Variants in NR5A2 observed in about 807,000 individuals in gnomAD.
NR5A2 encodes the protein CYP7A promoter-binding factor.
In NR5A2, 26 loss-of-function variants were observed where a neutral mutation model predicts 62.7. The ratio of observed to expected loss-of-function variants is 0.41; its 90% CI spans 0.30 to 0.58. The LOEUF (loss-of-function observed/expected upper bound fraction) is 0.58. Among genes scored for constraint, NR5A2 ranks in the 20% least tolerant of loss-of-function variants. The pLI is 0.22. For missense variants in NR5A2, 541 were observed against 669.1 expected, an observed-to-expected ratio of 0.81 and a Z score of 2.11; for synonymous variants, 246 against 241.7, an observed-to-expected ratio of 1.02 and a Z score of -0.16.
chr1:200,085,445 G>T (rs968956404), intron 5 of NR5A2, among the ~76,000 whole-genome samples: 1 of 152,128 alleles, frequency 6.6e-6, no homozygotes, highest in Non-Finnish European at 1.5e-5. Flanking sequence ...AATTAGGCAG[G>T]CCTTGGAGTC....
In NR5A2 at chr1:200,147,624, C is replaced by T. The variant is rs1667768897; in HGVS notation, c.1379-26339C>T. On this transcript the variant is annotated intron_variant, in intron 7 of 7. Coordinates refer to ENST00000367362, the MANE Select transcript of NR5A2 (RefSeq NM_205860.3). This position sits in a 1 kb window ranked among gnomAD's most constrained non-coding sequence, Gnocchi z 4.9. ...GCACATTTTCGCACAGGCAGCGCCG[C>T]AGCTTGCCCTGGATCTTGTCGATTG... 1.4e-6 allele frequency: 1 copy of T among 715,298 alleles called. No individual in the cohort carries two copies. Among genetic ancestry groups the T allele is most frequent in the Non-Finnish European group, 2.6e-6 (1 of 381,926 alleles). The allele number at this position is 715,298 out of a possible 1,614,324, so 44.3% of individuals were successfully genotyped here.
chr1:200,148,948 C>G (rs546905327), intron 7 of NR5A2, among the ~76,000 whole-genome samples: 1 of 142,982 alleles, frequency 7.0e-6, no homozygotes, highest in African/African-American at 2.6e-5. Flanking sequence ...AAGTCTCGCT[C>G]TGTCACCACG....
intron 6 of NR5A2, among the ~76,000 whole-genome samples, chr1:200,114,321 TGAA>T (rs766151590): frequency 4.4e-5 from 6 of 136,882 alleles, no homozygotes; most frequent in African/African-American, 8.0e-5. Context: ...ATATGAAAGT[TGAA>T]GGAGGCAGAA....
chr1:200,147,730 C>T lies in NR5A2; in HGVS notation c.1379-26233C>T. On this transcript the variant is annotated intron_variant, in intron 7 of 7. Transcript: ENST00000367362. The surrounding 1 kb of genome is among the most constrained non-coding windows in gnomAD (Gnocchi z 4.9). ...CTCCAGCTCCTCCCTGAGCGCCTCT[C>T]CCACGTCCACGGTGAAGACGCGGAT... 3 of 597,416 alleles carry T rather than the reference C, an allele frequency of 5.0e-6. No homozygotes were observed. The highest frequency in any genetic ancestry group is 4.9e-5 in the Admixed American group (2 of 41,228). 37.0% of individuals were successfully genotyped at this position (597,416 alleles called of 1,614,324 possible).
At chr1:200,109,463 A>G (rs1368597900) in intron 5 of NR5A2, among the ~76,000 whole-genome samples, 3 of 152,190 alleles carry the variant, frequency 2.0e-5, no homozygotes, top group Non-Finnish European at 4.4e-5. Context: ...CCGAGAAAAT[A>G]TAAGGCTGGA....
intron 5 of NR5A2, among the ~76,000 whole-genome samples, chr1:200,109,268 A>C (rs1466962549): frequency 6.6e-6 from 1 of 152,170 alleles, no homozygotes; most frequent in African/African-American, 2.4e-5. Context: ...ACAGAGCTTG[A>C]TTATAGCTTC....
In NR5A2 at chr1:200,175,766, AAAATC is replaced by A. The variant is rs970028534; in HGVS notation, c.*1560_*1564del. 4.6e-4 allele frequency: 71 copies of A among 152,710 alleles called. No homozygotes were observed. Among genetic ancestry groups the A allele is most frequent in the African/African-American group, 1.6e-3 (68 of 41,590 alleles). 9.5% of individuals were successfully genotyped at this position (152,710 alleles called of 1,614,324 possible). ...TAATTATTCTATGTCGTGAGACACT[AAAATC>A]AAAAACGGGAATCTCATTTAGACTT... is the stretch of plus-strand genomic sequence containing the variant. On this transcript the variant is annotated 3_prime_UTR_variant, in exon 8 of 8. Transcript: ENST00000367362.
chr1:200,050,836 G>T (rs1269137095), intron 5 of NR5A2, among the ~76,000 whole-genome samples: 1 of 152,204 alleles, frequency 6.6e-6, no homozygotes, highest in Non-Finnish European at 1.5e-5. Flanking sequence ...AGGTTGCGGT[G>T]AGCCGAGATC....
chr1:200,045,186 T>A (rs1160412205), intron 3 of NR5A2, among the ~76,000 whole-genome samples: 2 of 152,136 alleles, frequency 1.3e-5, no homozygotes, highest in African/African-American at 4.8e-5. Flanking sequence ...ACTGTTGGGA[T>A]AAAATGGTGG....
intron 2 of NR5A2, chr1:200,043,078 G>C (rs1204115223): frequency 1.2e-6 from 1 of 839,790 alleles, no homozygotes; most frequent in Non-Finnish European, 1.4e-6. Context: ...ATTTTTCCCC[G>C]TACGGGCGTC....
rs147419125 is a variant in NR5A2 at position 200,174,099 on chromosome 1, A to G, written c.1515A>G (p.Glu505=). Residue 505 remains glutamate, a synonymous_variant, in exon 8 of 8, where the codon GAA becomes GAG. Transcript: ENST00000367362. Reference sequence around the variant, plus strand: ...GACAGCTACTTCTTCGACTACCCGAAATCCGGGCCATCAGTATGCAGGCTG... The same window carrying G: ...GACAGCTACTTCTTCGACTACCCGAGATCCGGGCCATCAGTATGCAGGCTG... The part of the protein sequence containing the change: ...KFGQLLLRLP[E]IRAISMQAEE... 288 of 1,613,802 alleles carry G rather than the reference A, an allele frequency of 1.8e-4. 1 individual carries two copies. The highest frequency in any genetic ancestry group is 2.3e-4 in the Non-Finnish European group (267 of 1,179,998).
chr1:200,150,061 GA>G lies in NR5A2; in HGVS notation c.1379-23901del, dbSNP rs1307590441. ...CATATAATGGATGGATGGATGGATG[GA>G]TGGATGGTTGGTTGGATGGATAAAC... On this transcript the variant is annotated intron_variant, in intron 7 of 7. Coordinates refer to ENST00000367362, the MANE Select transcript of NR5A2 (RefSeq NM_205860.3). 5.3e-5 allele frequency among the ~76,000 whole-genome samples: 8 copies of G among 152,168 alleles called. 1 individual carries two copies. Among genetic ancestry groups the G allele is most frequent in the South Asian group, 4.1e-4 (2 of 4,824 alleles).
intron 7 of NR5A2, among the ~76,000 whole-genome samples, chr1:200,124,094 A>G (rs1666598698): frequency 6.6e-6 from 1 of 152,052 alleles, no homozygotes; most frequent in South Asian, 2.1e-4. Flanking sequence ...GTGAGCCACC[A>G]CGCCTGGCCT....
At chr1:200,115,778 G>T (rs1226183516) in intron 6 of NR5A2, among the ~76,000 whole-genome samples, 2 of 152,048 alleles carry the variant, frequency 1.3e-5, no homozygotes, top group Non-Finnish European at 2.9e-5. Context: ...GAATAAGATG[G>T]GTGTTCTAAG....
intron 5 of NR5A2, among the ~76,000 whole-genome samples, chr1:200,061,739 C>T (rs1287628214): frequency 1.3e-5 from 2 of 152,126 alleles, no homozygotes; most frequent in African/African-American, 4.8e-5. Context: ...ATCTTAAGGT[C>T]CTGGTCTCTG....
chr1:200,069,251 A>C lies in NR5A2; in HGVS notation c.1110+20433A>C, dbSNP rs139415694. The stretch of plus-strand genomic sequence containing the variant: ...TAGTTCTGATGAAGAATTTATAAAC[A>C]ATTCATATTCTTTTTTTTTTTCTTT... On this transcript the variant is annotated intron_variant, in intron 5 of 7. Coordinates refer to ENST00000367362, the MANE Select transcript of NR5A2 (RefSeq NM_205860.3). Among the ~76,000 whole-genome samples, 579 of 141,286 alleles carry C rather than the reference A, an allele frequency of 4.1e-3. 2 individuals carry two copies. The highest frequency in any genetic ancestry group is 6.6e-3 in the Non-Finnish European group (434 of 65,572). 92.7% of individuals were successfully genotyped at this position (141,286 alleles called of 152,430 possible).
chr1:200,162,306 G>A (rs577105135), intron 7 of NR5A2, among the ~76,000 whole-genome samples: 3 of 152,188 alleles, frequency 2.0e-5, no homozygotes, highest in Non-Finnish European at 2.9e-5. Context: ...CTTCCTGGAC[G>A]TAATGATATC....
chr1:200,109,957 G>T (rs1256347679), intron 5 of NR5A2, among the ~76,000 whole-genome samples: 1 of 152,050 alleles, frequency 6.6e-6, no homozygotes, highest in African/African-American at 2.4e-5. Flanking sequence ...TAGAGACAGG[G>T]TTTCACCATG....
At chr1:200,093,617 G>A (rs1664921569) in intron 5 of NR5A2, among the ~76,000 whole-genome samples, 1 of 152,150 alleles carries the variant, frequency 6.6e-6, no homozygotes, top group Admixed American at 6.5e-5. Flanking sequence ...CATTACGCTT[G>A]GTTACAAGCT....
Sources: gnomAD v4.1 joint callset for allele counts (sites outside exome capture counted in the v4.1 genomes callset) on GRCh38, gnomAD v4.1.1 for gene constraint, Gnocchi (gnomAD v3.1) non-coding constraint, MANE v1.5 for transcripts, NCBI Gene and HGNC (gene_info 2026-07-23, HGNC 2026-07-21) for gene names.